The following NCOA7 variants were observed in gnomAD, a reference collection of about 807,000 sequenced individuals.
NCOA7 encodes 140 kDa estrogen receptor-associated protein.
NCOA7 carries 45 observed loss-of-function variants against 104.3 expected under a neutral mutation model. The observed-to-expected ratio is 0.43, with a 90% CI of 0.34 to 0.55. The LOEUF (loss-of-function observed/expected upper bound fraction) is 0.55. NCOA7 is among the 20% of genes least tolerant of loss of function. NCOA7 has a pLI of 0.02. For synonymous variants in NCOA7, 398 were observed against 402.3 expected (o/e 0.99, Z 0.13); for missense variants, 1,041 against 1,119.7 (o/e 0.93, Z 1.00).
At chr6:125,899,326 A>C (rs1785296709) in intron 10 of NCOA7, among the ~76,000 whole-genome samples, 1 of 152,212 alleles carries the variant, frequency 6.6e-6, no homozygotes, top group Non-Finnish European at 1.5e-5. Context: ...GAATTTTCTG[A>C]TCAAAAGTCA....
chr6:125,792,280 C>A (rs905157845), intron 1 of NCOA7, among the ~76,000 whole-genome samples: 11 of 152,158 alleles, frequency 7.2e-5, no homozygotes, highest in Non-Finnish European at 5.9e-5. Flanking sequence ...ATTTATATTT[C>A]AATTCTGACA....
intron 2 of NCOA7, among the ~76,000 whole-genome samples, chr6:125,821,917 G>C (rs1300413123): frequency 6.6e-6 from 1 of 152,218 alleles, no homozygotes; most frequent in Non-Finnish European, 1.5e-5. Flanking sequence ...CACGTGGATG[G>C]ATCTGGGTGG....
At position 125,863,721 on chromosome 6, in the gene NCOA7, T is replaced by TC. The variant is rs1782229522; in HGVS notation, c.271+8483dup. Among the ~76,000 whole-genome samples the TC allele has an allele frequency of 1.4e-5, 2 of 137,982 alleles. 1 individual carries two copies. The highest frequency in any genetic ancestry group is 6.0e-5 in the African/African-American group (2 of 33,088). 90.5% of individuals were successfully genotyped at this position (137,982 alleles called of 152,430 possible). ...TCTCACAGTTCTGGAGGCTGGAAAGTCCAAGATTAAGGCACTGGCAAATGT... is the reference window on the plus strand; with the variant it reads ...TCTCACAGTTCTGGAGGCTGGAAAGTCCCAAGATTAAGGCACTGGCAAATGT... On this transcript the variant is annotated intron_variant, in intron 3 of 15. Transcript: ENST00000392477.
At chr6:125,825,586 A>G (rs567607017) in intron 2 of NCOA7, among the ~76,000 whole-genome samples, 12 of 152,358 alleles carry the variant, frequency 7.9e-5, no homozygotes, top group Non-Finnish European at 1.6e-4. Context: ...TATAAAGCAG[A>G]TGAATTTTGA....
At chr6:125,878,189 A>G in intron 4 of NCOA7, 74 bp from the exon 5 acceptor site, 1 of 798,906 alleles carries the variant, frequency 1.3e-6, no homozygotes, top group Non-Finnish European at 1.9e-6. Flanking sequence ...CATATTGCAG[A>G]TAAATTAATA....
chr6:125,924,266 A>G (rs1787831314), intron 13 of NCOA7, among the ~76,000 whole-genome samples: 1 of 152,230 alleles, frequency 6.6e-6, no homozygotes, highest in Non-Finnish European at 1.5e-5. Flanking sequence ...GATGGTTCAC[A>G]CAGAACAGGT....
At chr6:125,807,348 A>G (rs1035545189) in intron 1 of NCOA7, among the ~76,000 whole-genome samples, 1 of 152,210 alleles carries the variant, frequency 6.6e-6, no homozygotes, top group African/African-American at 2.4e-5. Context: ...GCTAAATGCA[A>G]TAATCTTGAT....
intron 2 of NCOA7, among the ~76,000 whole-genome samples, chr6:125,836,308 T>C (rs1779603515): frequency 6.6e-6 from 1 of 152,184 alleles, no homozygotes; most frequent in Non-Finnish European, 1.5e-5. Flanking sequence ...CTGATGCCAT[T>C]GTGAAGTTGT....
chr6:125,891,120 G>A (rs1784592748), intron 10 of NCOA7, among the ~76,000 whole-genome samples: 1 of 152,118 alleles, frequency 6.6e-6, no homozygotes, highest in Non-Finnish European at 1.5e-5. Context: ...CTTTCATTGA[G>A]GATAAAGGAA....
intron 2 of NCOA7, among the ~76,000 whole-genome samples, chr6:125,839,792 A>G (rs938882427): frequency 2.0e-5 from 3 of 152,104 alleles, no homozygotes; most frequent in Non-Finnish European, 2.9e-5. Flanking sequence ...AGTGCAACAC[A>G]TTACTCAGTG....
intron 10 of NCOA7, among the ~76,000 whole-genome samples, chr6:125,907,670 A>G (rs993664600): frequency 2.6e-5 from 4 of 152,328 alleles, no homozygotes; most frequent in African/African-American, 7.2e-5. Context: ...ATTTTAAAAA[A>G]GCGGGGGTTG....
intron 1 of NCOA7, among the ~76,000 whole-genome samples, chr6:125,785,147 G>T (rs1476397909): frequency 5.9e-5 from 9 of 152,150 alleles, no homozygotes; most frequent in Non-Finnish European, 1.5e-5. Context: ...AGACCAGCCT[G>T]GCCAACATGG....
intron 1 of NCOA7, among the ~76,000 whole-genome samples, chr6:125,809,113 TTTG>T (rs1776725404): frequency 1.3e-5 from 2 of 152,198 alleles, no homozygotes; most frequent in South Asian, 4.1e-4. Context: ...TTTTTGTTTT[TTTG>T]TTGTTGTTGC....
chr6:125,835,435 C>T (rs1779536886), intron 2 of NCOA7, among the ~76,000 whole-genome samples: 1 of 151,984 alleles, frequency 6.6e-6, no homozygotes, highest in South Asian at 2.1e-4. Flanking sequence ...GTAAAAAGTC[C>T]CAGATAAGAT....
At chr6:125,860,879 T>C (rs761033805) in intron 3 of NCOA7, among the ~76,000 whole-genome samples, 7 of 152,194 alleles carry the variant, frequency 4.6e-5, no homozygotes, top group Non-Finnish European at 8.8e-5. Context: ...TATATTATTA[T>C]GATTATGTAA....
At chr6:125,890,950 A>G in intron 10 of NCOA7, 140 bp downstream of exon 10, 1 of 898,876 alleles carries the variant, frequency 1.1e-6, no homozygotes, top group Non-Finnish European at 1.5e-6. Context: ...CTAGAAGGAT[A>G]TTATTTAAAG....
chr6:125,824,761 T>A (rs1476538308), intron 2 of NCOA7, among the ~76,000 whole-genome samples: 1 of 152,110 alleles, frequency 6.6e-6, no homozygotes, highest in East Asian at 1.9e-4. Context: ...ATCTCTTTTT[T>A]AATTTTTTTC....
intron 11 of NCOA7, among the ~76,000 whole-genome samples, chr6:125,916,701 T>TA (rs1166861069): frequency 1.3e-5 from 2 of 152,204 alleles, no homozygotes; most frequent in African/African-American, 4.8e-5. Context: ...TGCACCCATC[T>TA]AGCCTGCGTG....
In NCOA7 at chr6:125,889,205, C is replaced by A. The variant is rs762940352; in HGVS notation, c.1151C>A (p.Ser384Tyr). 1.9e-6 allele frequency: 3 copies of A among 1,613,854 alleles called. No individual in the cohort carries two copies. The highest frequency in any genetic ancestry group is 2.5e-6 in the Non-Finnish European group (3 of 1,179,992). Reference protein sequence around the residue: ...LDSSRETSHGSPTVTKLSKEP... With the variant: ...LDSSRETSHGYPTVTKLSKEP... Reference sequence around the variant, plus strand: ...TCCTCTAGGGAGACATCCCATGGTTCTCCCACAGTGACTAAGCTCAGCAAG... The same window carrying A: ...TCCTCTAGGGAGACATCCCATGGTTATCCCACAGTGACTAAGCTCAGCAAG... The change falls in exon 9 of 16, where the codon TCT (serine) becomes TAT (tyrosine). Residue 384 changes from serine (S) to tyrosine (Y), a missense_variant. Ser to Tyr is a moderately radical substitution (Grantham distance 144). Transcript: ENST00000392477.
Sources: gnomAD v4.1 joint callset for allele counts (sites outside exome capture counted in the v4.1 genomes callset) on GRCh38, gnomAD v4.1.1 for gene constraint, MANE v1.5 for transcripts, NCBI Gene and HGNC (gene_info 2026-07-23, HGNC 2026-07-21) for gene names.